Variants in MINDY3 observed in about 807,000 individuals in gnomAD.
MINDY3 encodes the protein ubiquitin carboxyl-terminal hydrolase MINDY-3.
In MINDY3, 38 loss-of-function variants were observed where a neutral mutation model predicts 69.2. The ratio of observed to expected loss-of-function variants is 0.55; its 90% CI spans 0.42 to 0.72. MINDY3 has a LOEUF of 0.72. Ranked by LOEUF, MINDY3 falls within the 30% of genes least tolerant of loss-of-function variation. MINDY3 has a pLI of 0.00. For missense variants in MINDY3, 522 were observed against 519.0 expected (o/e 1.01, Z -0.06); for synonymous variants, 192 against 180.1 (o/e 1.07, Z -0.53).
intron 1 of MINDY3, among the ~76,000 whole-genome samples, chr10:15,859,328 G>C (rs1588672823): frequency 6.6e-6 from 1 of 151,996 alleles, no homozygotes; most frequent in Non-Finnish European, 1.5e-5. Flanking sequence ...AATAATAATA[G>C]TGTTTTACAT....
chr10:15,843,139 T>TTGAG, intron 3 of MINDY3, 73 bp downstream of exon 3: 1 of 1,244,980 alleles, frequency 8.0e-7, no homozygotes, highest in South Asian at 1.3e-5. Flanking sequence ...ATACTTGACT[T>TTGAG]TCTCAGATAA....
At chr10:15,808,527 T>C (rs1416320761) in intron 10 of MINDY3, among the ~76,000 whole-genome samples, 4 of 151,932 alleles carry the variant, frequency 2.6e-5, no homozygotes, top group Admixed American at 2.6e-4. Flanking sequence ...CACCAAGGAG[T>C]AATAAAAGCA....
At position 15,833,504 on chromosome 10, in the gene MINDY3, T is replaced by C. The variant is rs1832868897; in HGVS notation, c.730+126A>G. The C allele has an allele frequency of 7.3e-6, 4 of 549,952 alleles. No homozygotes were observed. The South Asian group carries it at 1.5e-4, about 21-fold the overall frequency. 34.1% of individuals were successfully genotyped at this position (549,952 alleles called of 1,614,324 possible). On this transcript the variant is annotated intron_variant, in intron 8 of 14. Coordinates refer to ENST00000277632, the MANE Select transcript of MINDY3 (RefSeq NM_024948.4). ...ATGGTGCCTTGAAAACTGTAAAGGATTCTTCTATTAGAAAACACTTAACCT... is the reference window on the plus strand; with the variant it reads ...ATGGTGCCTTGAAAACTGTAAAGGACTCTTCTATTAGAAAACACTTAACCT...
At chr10:15,854,939 TCTA>T (rs1439575145) in intron 1 of MINDY3, among the ~76,000 whole-genome samples, 1 of 152,110 alleles carries the variant, frequency 6.6e-6, no homozygotes, top group Admixed American at 6.6e-5. Flanking sequence ...GGCCAGCTCT[TCTA>T]CTGAGAATAA....
intron 1 of MINDY3, among the ~76,000 whole-genome samples, chr10:15,850,305 G>A (rs1161000248): frequency 6.6e-6 from 1 of 152,170 alleles, no homozygotes; most frequent in Non-Finnish European, 1.5e-5. Context: ...TGAAATTTGG[G>A]CACCCAAAAG....
At chr10:15,854,864 G>T (rs1453887978) in intron 1 of MINDY3, among the ~76,000 whole-genome samples, 1 of 152,128 alleles carries the variant, frequency 6.6e-6, no homozygotes, top group Non-Finnish European at 1.5e-5. Flanking sequence ...TAAGGTTTCT[G>T]GTTATGTTAA....
rs1309032161 is a variant in MINDY3, at chr10:15,787,894, T to C, written c.1029-1246A>G. 2.0e-5 allele frequency among the ~76,000 whole-genome samples: 3 copies of C among 152,140 alleles called. No homozygotes were observed. In the East Asian group the frequency reaches 5.8e-4, roughly 29 times the overall value. Reference sequence around the variant, plus strand: ...GATGGCCCAGTTATTTCATGGGCCATTCTGTATTACAGTTGTAAATAGGCC... The same window carrying C: ...GATGGCCCAGTTATTTCATGGGCCACTCTGTATTACAGTTGTAAATAGGCC... On this transcript the variant is annotated intron_variant, in intron 12 of 14. Transcript: ENST00000277632.
intron 5 of MINDY3, chr10:15,837,742 A>G (rs867010252): frequency 9.5e-7 from 1 of 1,047,824 alleles, no homozygotes; most frequent in African/African-American, 1.7e-5. Context: ...GCTTCTTTTA[A>G]AAGAAATTAA....
chr10:15,827,828 C>T (rs1677368772), intron 8 of MINDY3, among the ~76,000 whole-genome samples: 1 of 151,992 alleles, frequency 6.6e-6, no homozygotes, highest in Non-Finnish European at 1.5e-5. Flanking sequence ...TCAATGAGCA[C>T]CAGAGAAATG....
intron 8 of MINDY3, among the ~76,000 whole-genome samples, chr10:15,822,749 T>A (rs1320349119): frequency 6.6e-6 from 1 of 152,060 alleles, no homozygotes; most frequent in Non-Finnish European, 1.5e-5. Context: ...GGGTTGGAGA[T>A]AAAGATTTGG....
chr10:15,853,658 T>C (rs1281249404), intron 1 of MINDY3, among the ~76,000 whole-genome samples: 3 of 152,078 alleles, frequency 2.0e-5, no homozygotes, highest in Non-Finnish European at 4.4e-5. Context: ...TTATGCTACA[T>C]ACTGGGTATG....
intron 8 of MINDY3, among the ~76,000 whole-genome samples, chr10:15,830,886 T>C (rs905166149): frequency 6.6e-6 from 1 of 152,212 alleles, no homozygotes; most frequent in African/African-American, 2.4e-5. Flanking sequence ...GCCTGGTCGT[T>C]ACACATCACG....
At position 15,858,202 on chromosome 10, in the gene MINDY3, C is replaced by T. The variant is rs1411307343; in HGVS notation, c.94+2004G>A. On this transcript the variant is annotated intron_variant, in intron 1 of 14. Coordinates refer to ENST00000277632, the MANE Select transcript of MINDY3 (RefSeq NM_024948.4). The stretch of plus-strand genomic sequence containing the variant: ...CCTTAAAATCTTAATCAGTGTAAGG[C>T]CTTGAAGAGCTACATATCCAAAATA... 3.9e-5 allele frequency among the ~76,000 whole-genome samples: 6 copies of T among 152,122 alleles called. No homozygotes were observed. The East Asian group carries it at 7.7e-4, about 20-fold the overall frequency.
At chr10:15,810,505 T>A (rs377532693) in intron 10 of MINDY3, among the ~76,000 whole-genome samples, 2 of 152,198 alleles carry the variant, frequency 1.3e-5, no homozygotes. Context: ...TTGCCCTCCA[T>A]GTAAGATAGA....
chr10:15,822,196 T>G (rs2132005748), intron 8 of MINDY3, among the ~76,000 whole-genome samples: 1 of 152,342 alleles, frequency 6.6e-6, no homozygotes, highest in Non-Finnish European at 1.5e-5. Context: ...GGACATTTAA[T>G]GCCATCCCTC....
At chr10:15,852,199 C>T (rs1053112584) in intron 1 of MINDY3, among the ~76,000 whole-genome samples, 1 of 152,090 alleles carries the variant, frequency 6.6e-6, no homozygotes, top group Admixed American at 6.6e-5. Flanking sequence ...GGTGTTGTAT[C>T]TGTGTTACTG....
chr10:15,845,251 GTTCC>G (rs1436520658), intron 2 of MINDY3, among the ~76,000 whole-genome samples: 1 of 151,248 alleles, frequency 6.6e-6, no homozygotes, highest in Non-Finnish European at 1.5e-5. Context: ...ACTGATCTTA[GTTCC>G]TTCTTTATTC....
At chr10:15,850,430 A>G (rs1186438784) in intron 1 of MINDY3, among the ~76,000 whole-genome samples, 1 of 152,198 alleles carries the variant, frequency 6.6e-6, no homozygotes, top group Non-Finnish European at 1.5e-5. Flanking sequence ...AATAGAAGAA[A>G]TATTGCTGAA....
intron 10 of MINDY3, among the ~76,000 whole-genome samples, chr10:15,803,257 C>CTAAT (rs1421649508): frequency 6.6e-6 from 1 of 152,084 alleles, no homozygotes; most frequent in Non-Finnish European, 1.5e-5. Context: ...ATTATAAACA[C>CTAAT]TAATTTTTGC....
Sources: gnomAD v4.1 joint callset for allele counts (sites outside exome capture counted in the v4.1 genomes callset) on GRCh38, gnomAD v4.1.1 for gene constraint, MANE v1.5 for transcripts, NCBI Gene and HGNC (gene_info 2026-07-23, HGNC 2026-07-21) for gene names.